WWOX: variants seen among roughly 807,000 people sequenced by gnomAD.
WWOX encodes the protein WW domain containing oxidoreductase, also known as WW domain-containing oxidoreductase.
In WWOX, 69 loss-of-function variants were observed where a neutral mutation model predicts 46.2. That is an observed-to-expected ratio of 1.49 (90% CI 1.23 to 1.82). The LOEUF (loss-of-function observed/expected upper bound fraction) is 1.82. Among genes scored for constraint, WWOX ranks in the 40% most tolerant of loss-of-function variants. The probability of loss-of-function intolerance (pLI) is 0.00; values close to 1 mark genes in which losing one functional copy is unlikely to be tolerated. For missense variants in WWOX, 919 were observed against 542.6 expected (o/e 1.69, Z -6.89); for synonymous variants, 359 against 202.6 (o/e 1.77, Z -6.56).
At chr16:78,298,539 C>T (rs2151865335) in intron 5 of WWOX, among the ~76,000 whole-genome samples, 1 of 152,286 alleles carries the variant, frequency 6.6e-6, no homozygotes, top group Non-Finnish European at 1.5e-5. Context: ...CACCTGTAAT[C>T]CCCGCAGTTT....
intron 8 of WWOX, among the ~76,000 whole-genome samples, chr16:78,787,088 C>T (rs574449802): frequency 2.8e-4 from 43 of 152,242 alleles, no homozygotes; most frequent in Non-Finnish European, 4.9e-4. Flanking sequence ...GCGGAGGTTG[C>T]AGTGAGCCAA....
intron 8 of WWOX, among the ~76,000 whole-genome samples, chr16:78,827,900 G>A (rs548917675): frequency 3.0e-4 from 46 of 152,286 alleles, no homozygotes; most frequent in African/African-American, 1.1e-3. Context: ...CTCAGGATGG[G>A]AACCAGGCAC....
intron 8 of WWOX, among the ~76,000 whole-genome samples, chr16:78,631,626 C>T (rs1455492829): frequency 1.3e-5 from 2 of 151,504 alleles, no homozygotes; most frequent in Admixed American, 1.3e-4. Flanking sequence ...GCAGCTTCCT[C>T]CTCCCAGGCT....
intron 8 of WWOX, among the ~76,000 whole-genome samples, chr16:78,672,228 T>C (rs1333398603): frequency 2.0e-5 from 3 of 152,172 alleles, no homozygotes; most frequent in African/African-American, 7.2e-5. Context: ...CTTTAGAATT[T>C]TCCTTTTCCA....
intron 8 of WWOX, among the ~76,000 whole-genome samples, chr16:79,011,451 AT>A (rs1481235678): frequency 6.9e-6 from 1 of 143,908 alleles, no homozygotes; most frequent in Admixed American, 7.1e-5. Context: ...TCCTTTTTTT[AT>A]TTTTTATTTT....
intron 8 of WWOX, among the ~76,000 whole-genome samples, chr16:79,156,803 A>G (rs2050390434): frequency 7.3e-6 from 1 of 137,450 alleles, no homozygotes; most frequent in African/African-American, 3.1e-5. Context: ...AATTGAAACT[A>G]CTGTAGTTTA....
intron 8 of WWOX, among the ~76,000 whole-genome samples, chr16:78,975,702 C>T (rs1303737213): frequency 6.6e-6 from 1 of 152,124 alleles, no homozygotes; most frequent in East Asian, 1.9e-4. Flanking sequence ...ATACACCGCT[C>T]AGAGAAGGGT....
intron 8 of WWOX, among the ~76,000 whole-genome samples, chr16:78,931,391 G>T (rs9932323): frequency 0.058 from 8,839 of 152,264 alleles, 937 homozygotes; most frequent in African/African-American, 0.2. Context: ...CAGGACGGAA[G>T]AATGATGGAG....
chr16:78,919,343 A>T (rs2045323411), intron 8 of WWOX, among the ~76,000 whole-genome samples: 1 of 152,000 alleles, frequency 6.6e-6, no homozygotes, highest in Admixed American at 6.6e-5. Context: ...GGCAAGTGGT[A>T]GATTCTAGAA....
At chr16:79,185,851 G>A (rs114603089) in intron 8 of WWOX, among the ~76,000 whole-genome samples, 1,532 of 152,142 alleles carry the variant, frequency 0.01, 27 homozygotes, top group African/African-American at 0.034. Flanking sequence ...TTTCTAGGAA[G>A]TACTATAAAA....
At chr16:78,853,314 G>A (rs573566549) in intron 8 of WWOX, among the ~76,000 whole-genome samples, 2 of 152,180 alleles carry the variant, frequency 1.3e-5, no homozygotes, top group African/African-American at 2.4e-5. Context: ...TCTGTCTCCT[G>A]GGTTCAAGCA....
intron 5 of WWOX, among the ~76,000 whole-genome samples, chr16:78,189,164 C>G (rs1054574925): frequency 1.3e-5 from 2 of 152,126 alleles, no homozygotes; most frequent in African/African-American, 4.8e-5. Flanking sequence ...CTGGAGAAAG[C>G]GTGGCTTCTC....
chr16:78,159,155 GTGTGTGTGTT>G (rs1051252032), intron 4 of WWOX, among the ~76,000 whole-genome samples: 4 of 151,086 alleles, frequency 2.6e-5, no homozygotes, highest in Admixed American at 6.6e-5. Flanking sequence ...GTGTTTGTGT[GTGTGTGTGTT>G]TGTGTGTGTG....
At chr16:78,409,634 G>C (rs1403659138) in intron 6 of WWOX, among the ~76,000 whole-genome samples, 1 of 152,130 alleles carries the variant, frequency 6.6e-6, no homozygotes, top group Non-Finnish European at 1.5e-5. Context: ...AAACTTATGT[G>C]CTTAAAACCC....
chr16:78,518,488 T>C (rs761549255), intron 8 of WWOX, among the ~76,000 whole-genome samples: 1 of 152,174 alleles, frequency 6.6e-6, no homozygotes, highest in Non-Finnish European at 1.5e-5. Flanking sequence ...CCCAAATTGC[T>C]GGGATTACAG....
intron 8 of WWOX, among the ~76,000 whole-genome samples, chr16:78,563,650 A>G (rs911907656): frequency 1.3e-5 from 2 of 151,954 alleles, no homozygotes; most frequent in Non-Finnish European, 2.9e-5. Flanking sequence ...ACTATATTAA[A>G]TTATCCAGGA....
chr16:78,243,617 G>T (rs2037727021), intron 5 of WWOX, among the ~76,000 whole-genome samples: 1 of 152,074 alleles, frequency 6.6e-6, no homozygotes, highest in South Asian at 2.1e-4. Context: ...CACCATCTTG[G>T]CTCACTGCAA....
At chr16:78,125,120 T>A (rs891521079) in intron 4 of WWOX, among the ~76,000 whole-genome samples, 1 of 152,208 alleles carries the variant, frequency 6.6e-6, no homozygotes, top group East Asian at 1.9e-4. Context: ...CAGATTCGTA[T>A]TTATTGATTA....
At chr16:78,623,005 G>T (rs944586798) in intron 8 of WWOX, among the ~76,000 whole-genome samples, 7 of 152,006 alleles carry the variant, frequency 4.6e-5, no homozygotes, top group Non-Finnish European at 1.0e-4. Context: ...AAGAAAATGA[G>T]GACATTAGTC....
Sources: allele counts gnomAD v4.1 joint callset (sites outside exome capture counted in the v4.1 genomes callset), GRCh38; gene constraint gnomAD v4.1.1; transcripts MANE v1.5; gene names NCBI Gene and HGNC (gene_info 2026-07-23, HGNC 2026-07-21).